Variants in RALGPS1 observed in about 807,000 individuals in gnomAD.
RALGPS1 encodes Ral GEF with PH domain and SH3 binding motif 1.
Under a neutral mutation model 78.8 loss-of-function variants are expected in RALGPS1, and 19 were observed. That is an observed-to-expected ratio of 0.24 (90% CI 0.17 to 0.35). The LOEUF (loss-of-function observed/expected upper bound fraction) is 0.35. RALGPS1 is among the 10% of genes least tolerant of loss of function. The probability of loss-of-function intolerance (pLI) is 1.00; values close to 1 mark genes in which losing one functional copy is unlikely to be tolerated. For missense variants in RALGPS1, 454 were observed against 688.3 expected (o/e 0.66, Z 3.81); for synonymous variants, 228 against 256.3 (o/e 0.89, Z 1.06).
At chr9:127,045,030 G>A (rs1428954722) in intron 5 of RALGPS1, among the ~76,000 whole-genome samples, 3 of 152,178 alleles carry the variant, frequency 2.0e-5, no homozygotes, top group Non-Finnish European at 2.9e-5. Context: ...ATCAGTGTTT[G>A]TCAGGGCTTT....
At chr9:127,118,727 C>T (rs909570031) in intron 8 of RALGPS1, among the ~76,000 whole-genome samples, 3 of 152,242 alleles carry the variant, frequency 2.0e-5, no homozygotes, top group Non-Finnish European at 4.4e-5. Context: ...CCCAGTCCTG[C>T]TGGGCTGTGG....
At chr9:127,090,505 G>A (rs1227332917) in intron 8 of RALGPS1, among the ~76,000 whole-genome samples, 1 of 152,232 alleles carries the variant, frequency 6.6e-6, no homozygotes, top group East Asian at 1.9e-4. Context: ...GGGATGGGCA[G>A]GTCATGTCCC....
At chr9:127,052,348 G>T (rs549893794) in intron 6 of RALGPS1, among the ~76,000 whole-genome samples, 2 of 152,228 alleles carry the variant, frequency 1.3e-5, no homozygotes, top group Non-Finnish European at 2.9e-5. Context: ...GAATCCAAAT[G>T]TTCTCACTAA....
At chr9:126,962,166 TG>T (rs1368103651) in intron 1 of RALGPS1, 58 bp from the exon 2 acceptor site, 2 of 894,486 alleles carry the variant, frequency 2.2e-6, no homozygotes, top group East Asian at 2.6e-5. Flanking sequence ...AACTTTTGCC[TG>T]GGGGTGGGGA....
intron 4 of RALGPS1, among the ~76,000 whole-genome samples, chr9:126,989,265 G>A (rs2042070728): frequency 6.6e-6 from 1 of 152,176 alleles, no homozygotes; most frequent in Non-Finnish European, 1.5e-5. Flanking sequence ...TGATGGCAGT[G>A]CCTTTGTGAA....
chr9:127,041,255 C>A (rs2047295349), intron 5 of RALGPS1, among the ~76,000 whole-genome samples: 1 of 151,998 alleles, frequency 6.6e-6, no homozygotes, highest in Admixed American at 6.6e-5. Flanking sequence ...CCACACCCAG[C>A]TAATTTTTGT....
At chr9:127,128,862 A>G (rs2056814336) in intron 8 of RALGPS1, among the ~76,000 whole-genome samples, 1 of 152,184 alleles carries the variant, frequency 6.6e-6, no homozygotes, top group Non-Finnish European at 1.5e-5. Flanking sequence ...CCCTTTGAGG[A>G]CACTGTGACT....
At chr9:127,029,326 G>A (rs1230455678) in intron 4 of RALGPS1, among the ~76,000 whole-genome samples, 2 of 152,168 alleles carry the variant, frequency 1.3e-5, no homozygotes, top group Non-Finnish European at 2.9e-5. Flanking sequence ...GCCTTACTGG[G>A]TCACCTATCT....
At chr9:126,981,683 G>A (rs1002788730) in intron 4 of RALGPS1, among the ~76,000 whole-genome samples, 1 of 152,124 alleles carries the variant, frequency 6.6e-6, no homozygotes, top group African/African-American at 2.4e-5. Context: ...TGCTGTTATT[G>A]TCTTTGTTTT....
intron 7 of RALGPS1, among the ~76,000 whole-genome samples, chr9:127,058,886 G>A (rs538868308): frequency 6.6e-6 from 1 of 152,312 alleles, no homozygotes; most frequent in African/African-American, 2.4e-5. Flanking sequence ...GATCCAAAGA[G>A]TTTGACTCAT....
intron 7 of RALGPS1, among the ~76,000 whole-genome samples, chr9:127,061,930 T>A (rs2049249101): frequency 6.6e-6 from 1 of 152,150 alleles, no homozygotes; most frequent in East Asian, 1.9e-4. Context: ...CTCTTGGGTC[T>A]TTGTGGGAAT....
At chr9:126,989,047 A>C (rs1320466767) in intron 4 of RALGPS1, among the ~76,000 whole-genome samples, 3 of 152,176 alleles carry the variant, frequency 2.0e-5, no homozygotes, top group Non-Finnish European at 4.4e-5. Flanking sequence ...CAGCCTGGGC[A>C]ACATAGCAAG....
At chr9:127,046,897 A>C (rs910809524) in intron 5 of RALGPS1, among the ~76,000 whole-genome samples, 5 of 152,152 alleles carry the variant, frequency 3.3e-5, no homozygotes, top group Non-Finnish European at 1.5e-5. Context: ...AACTGAAAAA[A>C]AGCAAAACAA....
intron 3 of RALGPS1, among the ~76,000 whole-genome samples, chr9:126,976,191 G>A (rs1011857015): frequency 7.2e-5 from 11 of 152,022 alleles, no homozygotes; most frequent in African/African-American, 2.4e-4. Flanking sequence ...CCAAATTAAT[G>A]GTCCCTTATT....
chr9:127,024,392 G>C (rs1473977588), intron 4 of RALGPS1, among the ~76,000 whole-genome samples: 1 of 150,090 alleles, frequency 6.7e-6, no homozygotes, highest in Non-Finnish European at 1.5e-5. Context: ...TGAATTTCTT[G>C]TTTCACCAGC....
At chr9:127,060,140 G>A (rs2049079571) in intron 7 of RALGPS1, among the ~76,000 whole-genome samples, 1 of 152,082 alleles carries the variant, frequency 6.6e-6, no homozygotes, top group South Asian at 2.1e-4. Flanking sequence ...CCACACATGG[G>A]GGGCTGTAAT....
intron 8 of RALGPS1, among the ~76,000 whole-genome samples, chr9:127,150,380 G>C (rs919896300): frequency 6.6e-6 from 1 of 152,216 alleles, no homozygotes; most frequent in Non-Finnish European, 1.5e-5. Context: ...TCCCAGACCA[G>C]TACCCATTGC....
intron 8 of RALGPS1, among the ~76,000 whole-genome samples, chr9:127,139,873 G>A (rs1261337953): frequency 6.6e-6 from 1 of 152,170 alleles, no homozygotes; most frequent in East Asian, 1.9e-4. Context: ...CTGAGTTCAG[G>A]GGTTTGATGT....
chr9:126,933,976 G>C (rs1294056227), intron 1 of RALGPS1, among the ~76,000 whole-genome samples: 2 of 152,094 alleles, frequency 1.3e-5, no homozygotes, highest in African/African-American at 4.8e-5. Context: ...GTCAGAATGC[G>C]TTTTCCCACA....
Sources: allele counts gnomAD v4.1 joint callset (sites outside exome capture counted in the v4.1 genomes callset), GRCh38; gene constraint gnomAD v4.1.1; transcripts MANE v1.5; gene names NCBI Gene and HGNC (gene_info 2026-07-23, HGNC 2026-07-21).